The following OCRL variants were observed in gnomAD, a reference collection of about 807,000 sequenced individuals.
OCRL encodes OCRL inositol polyphosphate-5-phosphatase.
OCRL carries 8 observed loss-of-function variants against 78.9 expected under a neutral mutation model. The ratio of observed to expected loss-of-function variants is 0.10; its 90% CI spans 0.06 to 0.18. The LOEUF (loss-of-function observed/expected upper bound fraction) is 0.18. Ranked by LOEUF, OCRL falls within the 10% of genes least tolerant of loss-of-function variation. The pLI is 1.00. For synonymous variants in OCRL, 240 were observed against 235.4 expected (o/e 1.02, Z -0.18); for missense variants, 454 against 696.7 (o/e 0.65, Z 3.92).
intron 4 of OCRL, among the ~76,000 whole-genome samples, chrX:129,550,202 A>C (rs1461981247): frequency 1.8e-5 from 2 of 112,599 alleles, no homozygotes; most frequent in Non-Finnish European, 3.8e-5. Context: ...AAAAGCTTAA[A>C]GTATCAAATT....
chrX:129,558,473 T>A (rs897591265), intron 6 of OCRL, among the ~76,000 whole-genome samples, 160 bp from the exon 7 acceptor site: 3 of 112,188 alleles, frequency 2.7e-5, no homozygotes, highest in African/African-American at 9.7e-5. Context: ...GGGATAGGTA[T>A]GCTTCTTCGA....
Position 129,557,454 on chromosome X carries a change from A to G in OCRL, c.349+19A>G. The stretch of plus-strand genomic sequence containing the variant: ...CAGAAAGGTAACTAAAGACTCAGCG[A>G]TTTTCTTTCTTCTATTTCAACGGGA... On this transcript the variant is annotated intron_variant, in intron 5 of 23. Coordinates refer to ENST00000371113, the MANE Select transcript of OCRL (RefSeq NM_000276.4). The G allele has an allele frequency of 8.6e-7, 1 of 1,164,616 alleles. No individual in the cohort carries two copies. Among genetic ancestry groups the G allele is most frequent in the Non-Finnish European group, 1.2e-6 (1 of 854,414 alleles).
intron 8 of OCRL, 95 bp from the exon 9 acceptor site, chrX:129,560,455 G>T: frequency 1.8e-6 from 1 of 547,399 alleles, no homozygotes; most frequent in South Asian, 2.4e-5. Flanking sequence ...TTAGCATATT[G>T]TGAACATACC....
At chrX:129,545,114 T>TACC (rs1935861524) in intron 3 of OCRL, 77 bp downstream of exon 3, 1 of 574,347 alleles carries the variant, frequency 1.7e-6, no homozygotes, top group African/African-American at 2.2e-5. Flanking sequence ...ACCATACATA[T>TACC]TTAAATTTGT....
chrX:129,568,330 T>C, intron 14 of OCRL, among the ~76,000 whole-genome samples: 1 of 112,354 alleles, frequency 8.9e-6, no homozygotes, highest in Admixed American at 9.4e-5. Context: ...CTTTTTTCTT[T>C]TTCTTTTCTT....
In OCRL at chrX:129,573,765, G is replaced by A. The variant is rs140307913; in HGVS notation, c.1603-1375G>A. Among the ~76,000 whole-genome samples the A allele has an allele frequency of 9.0e-5, 10 of 110,800 alleles. No individual in the cohort carries two copies. The East Asian group carries it at 2.5e-3, about 28-fold the overall frequency. ...AGTAGAGACAGAGTTTCACCGTGTT[G>A]GCTGGGGTGGTTTCGAACTCCTGAC... On this transcript the variant is annotated intron_variant, in intron 15 of 23. Transcript: ENST00000371113.
At position 129,575,262 on chromosome X, in the gene OCRL, T is replaced by C. The variant is rs1410885828; in HGVS notation, c.1713+12T>C. On this transcript the variant is annotated intron_variant, in intron 16 of 23. Coordinates refer to ENST00000371113, the MANE Select transcript of OCRL (RefSeq NM_000276.4). The stretch of plus-strand genomic sequence containing the variant: ...TCAGCAGGAGGGAGGTGAGCAAAAA[T>C]ACATGATCTCCCTGTCTACTGCTCA... 24 of 1,043,365 alleles carry C rather than the reference T, an allele frequency of 2.3e-5. No individual in the cohort carries two copies. The highest frequency in any genetic ancestry group is 3.2e-5 in the Non-Finnish European group (24 of 742,445). The allele number at this position is 1,043,365 out of a possible 1,213,427, so 86.0% of individuals were successfully genotyped here.
At chrX:129,557,543 C>A in intron 5 of OCRL, 108 bp downstream of exon 5, 1 of 706,332 alleles carries the variant, frequency 1.4e-6, no homozygotes, top group South Asian at 2.3e-5. Flanking sequence ...ACCCTTTAAG[C>A]CCTGATAGCT....
chrX:129,546,947 G>A (rs773633386), intron 3 of OCRL, among the ~76,000 whole-genome samples: 9 of 111,352 alleles, frequency 8.1e-5, no homozygotes, highest in South Asian at 7.7e-4. Context: ...GGCCAGGCGC[G>A]ATGGCTTGCA....
intron 20 of OCRL, among the ~76,000 whole-genome samples, chrX:129,587,348 G>T (rs777571086): frequency 1.8e-5 from 2 of 111,233 alleles, no homozygotes; most frequent in South Asian, 7.7e-4. Flanking sequence ...TTGTGGCAGA[G>T]CCAGGACCAA....
intron 12 of OCRL, 79 bp from the exon 13 acceptor site, chrX:129,565,693 C>G: frequency 1.4e-6 from 1 of 732,568 alleles, no homozygotes; most frequent in East Asian, 3.2e-5. Flanking sequence ...AATAATCTAC[C>G]CATTTTTCTT....
chrX:129,571,492 C>T (rs1217629795), intron 15 of OCRL, among the ~76,000 whole-genome samples: 1 of 107,659 alleles, frequency 9.3e-6, no homozygotes, highest in Non-Finnish European at 1.9e-5. Flanking sequence ...AGCCTCCCGC[C>T]CAGCTAATTT....
At chrX:129,560,903 C>T (rs1241876484) in intron 9 of OCRL, among the ~76,000 whole-genome samples, 2 of 112,683 alleles carry the variant, frequency 1.8e-5, no homozygotes, top group Non-Finnish European at 3.8e-5. Flanking sequence ...TCAGTTCTAA[C>T]AGTGACAGTT....
intron 13 of OCRL, 31 bp from the exon 14 acceptor site, chrX:129,567,223 C>T: frequency 1.0e-6 from 1 of 987,403 alleles, no homozygotes; most frequent in Non-Finnish European, 1.4e-6. Flanking sequence ...TAGTGTTATC[C>T]TGCTTATTTG....
chrX:129,557,924 C>G lies in OCRL; in HGVS notation c.413C>G (p.Thr138Ser). 8.4e-7 allele frequency: 1 copy of G among 1,196,953 alleles called. No individual in the cohort carries two copies. The highest frequency in any genetic ancestry group is 1.7e-5 in the African/African-American group (1 of 57,593). The part of the protein sequence containing the change: ...DSSSWYQKLD[T>S]KDKPSVFSGL... ...TCTAGCTGGTACCAGAAATTAGACA[C>G]TAAGGACAAACCTTCTGTTTTTTCA... Residue 138 changes from threonine (T) to serine (S), a missense_variant, in exon 6 of 24, where the codon ACT becomes AGT. By Grantham distance (58) the Thr-to-Ser change is moderately conservative. This residue lies in a region of OCRL where 177 missense variants were observed against 179.6 expected (regional missense o/e 0.99). Transcript: ENST00000371113.
intron 18 of OCRL, among the ~76,000 whole-genome samples, chrX:129,582,337 C>T (rs1263177744): frequency 2.7e-5 from 3 of 112,339 alleles, no homozygotes; most frequent in Non-Finnish European, 3.8e-5. Context: ...AAATCAGAGT[C>T]AGGGACAAAC....
intron 15 of OCRL, among the ~76,000 whole-genome samples, chrX:129,573,315 C>G (rs1466088063): frequency 8.9e-6 from 1 of 111,777 alleles, no homozygotes; most frequent in Non-Finnish European, 1.9e-5. Context: ...CTGCACCTAT[C>G]AACCCATCAT....
At chrX:129,580,398 G>A (rs750921100) in intron 18 of OCRL, among the ~76,000 whole-genome samples, 2 of 112,259 alleles carry the variant, frequency 1.8e-5, no homozygotes, top group South Asian at 7.5e-4. Flanking sequence ...TGGTTAGGGA[G>A]AATGGGGCAG....
intron 4 of OCRL, among the ~76,000 whole-genome samples, chrX:129,551,403 T>C (rs926635234): frequency 8.9e-6 from 1 of 112,397 alleles, no homozygotes; most frequent in Non-Finnish European, 1.9e-5. Context: ...GGAAACAGAC[T>C]TTAAACTGAT....
Sources: gnomAD v4.1 joint callset for allele counts (sites outside exome capture counted in the v4.1 genomes callset) on GRCh38, gnomAD v4.1.1 for gene constraint, gnomAD v4.1.1 regional missense constraint, MANE v1.5 for transcripts, NCBI Gene and HGNC (gene_info 2026-07-23, HGNC 2026-07-21) for gene names.